The following SCD5 variants were observed in gnomAD, a reference collection of about 807,000 sequenced individuals.
SCD5 encodes the protein acyl-CoA-desaturase 4.
SCD5 carries 20 observed loss-of-function variants against 30.4 expected under a neutral mutation model. The observed-to-expected ratio is 0.66, with a 90% CI of 0.46 to 0.96. The LOEUF is 0.96. Among genes scored for constraint, SCD5 ranks in the 40% least tolerant of loss-of-function variants. The probability of loss-of-function intolerance (pLI) is 0.00; values close to 1 mark genes in which losing one functional copy is unlikely to be tolerated. For synonymous variants in SCD5, 173 were observed against 176.4 expected (o/e 0.98, Z 0.16); for missense variants, 381 against 443.3 (o/e 0.86, Z 1.26).
intron 1 of SCD5, among the ~76,000 whole-genome samples, chr4:82,784,965 A>G (rs887907469): frequency 2.0e-5 from 3 of 152,320 alleles, no homozygotes; most frequent in African/African-American, 7.2e-5. Context: ...TTTAACAACT[A>G]GTAGAGCCAC....
chr4:82,641,325 G>T (rs1461844872), intron 3 of SCD5, among the ~76,000 whole-genome samples: 2 of 150,886 alleles, frequency 1.3e-5, no homozygotes, highest in Admixed American at 1.3e-4. Context: ...TGGAGCAGGG[G>T]TATACTGGCA....
intron 3 of SCD5, chr4:82,660,578 G>A: frequency 2.5e-6 from 3 of 1,220,604 alleles, no homozygotes; most frequent in Non-Finnish European, 3.1e-6. Flanking sequence ...ATTAACTAAT[G>A]TATTCTCCCA....
At chr4:82,739,063 A>G (rs1192640290) in intron 1 of SCD5, among the ~76,000 whole-genome samples, 1 of 152,214 alleles carries the variant, frequency 6.6e-6, no homozygotes, top group Non-Finnish European at 1.5e-5. Context: ...TCACTAAAAA[A>G]TAATAATCTT....
chr4:82,793,390 A>G (rs999207188), intron 1 of SCD5, among the ~76,000 whole-genome samples: 3 of 152,198 alleles, frequency 2.0e-5, no homozygotes, highest in African/African-American at 7.2e-5. Context: ...CTTTTGGAGG[A>G]AAACAGGAGG....
chr4:82,677,959 G>A (rs568127184), intron 3 of SCD5, among the ~76,000 whole-genome samples: 1 of 152,060 alleles, frequency 6.6e-6, no homozygotes, highest in East Asian at 1.9e-4. Flanking sequence ...CCAGGAGCAT[G>A]CCTTTAACAT....
chr4:82,786,789 C>T (rs994108741), intron 1 of SCD5, among the ~76,000 whole-genome samples: 3 of 91,958 alleles, frequency 3.3e-5, no homozygotes, highest in Admixed American at 1.5e-4. Context: ...CGAGACTTTG[C>T]CTTAAAAAAA....
rs147530287 is a variant in SCD5, at chr4:82,769,330, A to G, written c.232+28976T>C. On this transcript the variant is annotated intron_variant, in intron 1 of 4. Coordinates refer to ENST00000319540, the MANE Select transcript of SCD5 (RefSeq NM_001037582.3). ...TACTCTGTCCTTTAATAGGACTCTC[A>G]TGGTTAATAAATTAATAAGGGGCCA... Among the ~76,000 whole-genome samples the G allele has an allele frequency of 5.0e-3, 760 of 152,314 alleles. 8 individuals are homozygous for G. The highest frequency in any genetic ancestry group is 0.018 in the African/African-American group (731 of 41,562).
At chr4:82,779,502 G>A (rs1721824747) in intron 1 of SCD5, among the ~76,000 whole-genome samples, 1 of 152,182 alleles carries the variant, frequency 6.6e-6, no homozygotes, top group African/African-American at 2.4e-5. Context: ...AGTTGTCAGG[G>A]CTCAGCCACC....
intron 2 of SCD5, among the ~76,000 whole-genome samples, chr4:82,687,559 C>T (rs1728738954): frequency 6.6e-6 from 1 of 152,164 alleles, no homozygotes; most frequent in African/African-American, 2.4e-5. Context: ...TATCTTTATT[C>T]TCGTTAGCAA....
At chr4:82,795,210 C>G (rs1211772011) in intron 1 of SCD5, among the ~76,000 whole-genome samples, 1 of 152,182 alleles carries the variant, frequency 6.6e-6, no homozygotes, top group African/African-American at 2.4e-5. Context: ...GCATAGATGC[C>G]TCTTGTTTCC....
At chr4:82,731,368 G>A (rs1397563817) in intron 1 of SCD5, among the ~76,000 whole-genome samples, 3 of 152,204 alleles carry the variant, frequency 2.0e-5, no homozygotes, top group Non-Finnish European at 2.9e-5. Flanking sequence ...ACCACTTGAA[G>A]AGAGCACTGG....
intron 1 of SCD5, among the ~76,000 whole-genome samples, chr4:82,739,163 C>T: frequency 6.6e-6 from 1 of 152,174 alleles, no homozygotes; most frequent in East Asian, 1.9e-4. Flanking sequence ...CACTAAGTAC[C>T]TGTTCTTGTC....
intron 3 of SCD5, among the ~76,000 whole-genome samples, chr4:82,669,756 T>C (rs1728268171): frequency 6.6e-6 from 1 of 152,196 alleles, no homozygotes; most frequent in African/African-American, 2.4e-5. Flanking sequence ...AAGAGCCACT[T>C]TGAAATATAC....
chr4:82,688,308 G>A (rs897278052), intron 2 of SCD5, among the ~76,000 whole-genome samples: 5 of 152,210 alleles, frequency 3.3e-5, no homozygotes, highest in East Asian at 1.9e-4. Flanking sequence ...GTGCGTGTGC[G>A]TGCGTGTGGT....
chr4:82,770,208 C>T (rs562065677), intron 1 of SCD5, among the ~76,000 whole-genome samples: 165 of 152,252 alleles, frequency 1.1e-3, no homozygotes, highest in African/African-American at 3.8e-3. Context: ...CGATAGGCCC[C>T]GGTGTGTGAT....
At chr4:82,748,968 G>C (rs1721046846) in intron 1 of SCD5, among the ~76,000 whole-genome samples, 1 of 152,184 alleles carries the variant, frequency 6.6e-6, no homozygotes, top group African/African-American at 2.4e-5. Flanking sequence ...GGGAGGAAAA[G>C]ATAGCCTCCG....
At chr4:82,716,588 C>T (rs796685683) in intron 1 of SCD5, among the ~76,000 whole-genome samples, 1 of 151,618 alleles carries the variant, frequency 6.6e-6, no homozygotes, top group South Asian at 2.1e-4. Context: ...CCGAGGTGGG[C>T]GGATCACTTG....
chr4:82,717,325 TG>T (rs1339996642), intron 1 of SCD5, among the ~76,000 whole-genome samples: 2 of 151,626 alleles, frequency 1.3e-5, no homozygotes, highest in African/African-American at 4.9e-5. Flanking sequence ...TGAGGTGAAA[TG>T]GGGAAGAGCA....
intron 4 of SCD5, among the ~76,000 whole-genome samples, chr4:82,632,645 T>C (rs1057333399): frequency 1.3e-5 from 2 of 152,306 alleles, no homozygotes; most frequent in African/African-American, 2.4e-5. Context: ...TAGTTTATAG[T>C]CCCACCAACA....
Sources: gnomAD v4.1 joint callset for allele counts (sites outside exome capture counted in the v4.1 genomes callset) on GRCh38, gnomAD v4.1.1 for gene constraint, MANE v1.5 for transcripts, NCBI Gene and HGNC (gene_info 2026-07-23, HGNC 2026-07-21) for gene names.